The following TNR variants were observed in gnomAD, a reference collection of about 807,000 sequenced individuals.
TNR encodes the protein tenascin-R.
In TNR, 45 loss-of-function variants were observed where a neutral mutation model predicts 150.4. The ratio of observed to expected loss-of-function variants is 0.30; its 90% CI spans 0.24 to 0.38. TNR has a LOEUF of 0.38. Ranked by LOEUF, TNR falls within the 10% of genes least tolerant of loss-of-function variation. The pLI is 1.00. For missense variants in TNR, 1,544 were observed against 1,759.1 expected, an observed-to-expected ratio of 0.88 and a Z score of 2.19; for synonymous variants, 687 against 678.4, an observed-to-expected ratio of 1.01 and a Z score of -0.20.
At chr1:175,645,192 C>T (rs563364920) in intron 1 of TNR, among the ~76,000 whole-genome samples, 1 of 152,224 alleles carries the variant, frequency 6.6e-6, no homozygotes, top group East Asian at 1.9e-4. Context: ...GTATAATTTA[C>T]ATACTGCTTA....
chr1:175,732,681 G>A (rs1295605544), intron 1 of TNR, among the ~76,000 whole-genome samples: 2 of 152,214 alleles, frequency 1.3e-5, no homozygotes, highest in African/African-American at 4.8e-5. Flanking sequence ...GATGCTCAGA[G>A]ACAGCATAGT....
At chr1:175,696,928 C>T (rs191240347) in intron 1 of TNR, among the ~76,000 whole-genome samples, 288 of 150,848 alleles carry the variant, frequency 1.9e-3, no homozygotes, top group Non-Finnish European at 3.2e-3. Context: ...AAAGTAAATG[C>T]TTTTATATCC....
chr1:175,418,983 A>C (rs1053102219), intron 2 of TNR, among the ~76,000 whole-genome samples: 1 of 152,216 alleles, frequency 6.6e-6, no homozygotes, highest in East Asian at 1.9e-4. Flanking sequence ...TTGGCCCCAA[A>C]GATGAATTTC....
intron 1 of TNR, among the ~76,000 whole-genome samples, chr1:175,550,765 T>C (rs1660907332): frequency 1.3e-5 from 2 of 149,518 alleles, no homozygotes; most frequent in South Asian, 4.2e-4. Flanking sequence ...AGTCAGAAAA[T>C]GCAGGGAACA....
chr1:175,743,079 C>T (rs1352016640), intron 1 of TNR, 147 bp downstream of exon 1: 2 of 152,234 alleles, frequency 1.3e-5, no homozygotes, highest in African/African-American at 2.4e-5. Context: ...CCCGACTCTA[C>T]TGGCAGCAGA....
chr1:175,643,215 C>T (rs1472381936), intron 1 of TNR, among the ~76,000 whole-genome samples: 1 of 152,188 alleles, frequency 6.6e-6, no homozygotes, highest in Non-Finnish European at 1.5e-5. Flanking sequence ...CACCCAATTC[C>T]ATAATCACTC....
At chr1:175,618,851 C>T (rs1344349026) in intron 1 of TNR, among the ~76,000 whole-genome samples, 2 of 152,188 alleles carry the variant, frequency 1.3e-5, no homozygotes, top group African/African-American at 2.4e-5. Flanking sequence ...TCAAACACTG[C>T]CCTTGCCTTC....
At chr1:175,372,783 A>G (rs1361557478) in intron 9 of TNR, among the ~76,000 whole-genome samples, 1 of 152,170 alleles carries the variant, frequency 6.6e-6, no homozygotes, top group African/African-American at 2.4e-5. Context: ...ATGAGGAAAT[A>G]TGGACCTTTC....
rs1648831226 is a variant in TNR at position 175,316,031 on chromosome 1, C to T, written c.*7326G>A. ...CTAATGCACAGGTGTCACTGCTGCCCAAGCAGCCCCCACACTGGAATGGAA... is the reference window on the plus strand; with the variant it reads ...CTAATGCACAGGTGTCACTGCTGCCTAAGCAGCCCCCACACTGGAATGGAA... On this transcript the variant is annotated 3_prime_UTR_variant, in exon 23 of 23. Coordinates refer to ENST00000367674, the MANE Select transcript of TNR (RefSeq NM_003285.3). 1 of 152,212 alleles carries T rather than the reference C, an allele frequency of 6.6e-6. No homozygotes were observed. Among genetic ancestry groups the T allele is most frequent in the South Asian group, 2.1e-4 (1 of 4,834 alleles). The allele number at this position is 152,212 out of a possible 1,614,324, so 9.4% of individuals were successfully genotyped here.
intron 2 of TNR, among the ~76,000 whole-genome samples, chr1:175,480,030 A>C (rs1255624841): frequency 6.6e-6 from 1 of 152,068 alleles, no homozygotes; most frequent in African/African-American, 2.4e-5. Flanking sequence ...GAGCAGAGGG[A>C]GGAGAGGCAG....
At chr1:175,669,822 T>C (rs534617425) in intron 1 of TNR, among the ~76,000 whole-genome samples, 3 of 152,290 alleles carry the variant, frequency 2.0e-5, no homozygotes, top group East Asian at 3.9e-4. Context: ...GGTTTAATGA[T>C]GTCAGGAAAA....
chr1:175,713,789 C>T (rs893878708), intron 1 of TNR, among the ~76,000 whole-genome samples: 1 of 152,298 alleles, frequency 6.6e-6, no homozygotes, highest in African/African-American at 2.4e-5. Flanking sequence ...GGAGAGAGCT[C>T]CCAGCGCTGA....
At position 175,547,621 on chromosome 1, in the gene TNR, C is replaced by G. The variant is rs3980108; in HGVS notation, c.-164-19252G>C. Reference sequence around the variant, plus strand: ...AGAAAGAAAGAAAGAAACAAAGAAACAAAGAAAGAAAGAAAGAGAAAGAAA... The same window carrying G: ...AGAAAGAAAGAAAGAAACAAAGAAAGAAAGAAAGAAAGAAAGAGAAAGAAA... On this transcript the variant is annotated intron_variant, in intron 1 of 22. Coordinates refer to ENST00000367674, the MANE Select transcript of TNR (RefSeq NM_003285.3). 8.2e-3 allele frequency among the ~76,000 whole-genome samples: 86 copies of G among 10,542 alleles called. 2 individuals are homozygous for G. Among genetic ancestry groups the G allele is most frequent in the South Asian group, 0.015 (5 of 334 alleles). The allele number at this position is 10,542 out of a possible 152,430, so 6.9% of individuals were successfully genotyped here.
chr1:175,413,119 AG>A (rs1654287294), intron 2 of TNR, among the ~76,000 whole-genome samples: 1 of 152,090 alleles, frequency 6.6e-6, no homozygotes, highest in Non-Finnish European at 1.5e-5. Context: ...TCCATCTCCC[AG>A]GCTCAAGCAA....
At chr1:175,526,528 C>T (rs859364) in intron 2 of TNR, among the ~76,000 whole-genome samples, 6,630 of 152,218 alleles carry the variant, frequency 0.044, 494 homozygotes, top group African/African-American at 0.15. Flanking sequence ...GAAAGTAGTA[C>T]GGTACTTCAA....
intron 1 of TNR, among the ~76,000 whole-genome samples, chr1:175,711,202 G>A (rs1667004021): frequency 6.6e-6 from 1 of 152,172 alleles, no homozygotes. Flanking sequence ...GAGCCAAGTA[G>A]GAGACTGGGA....
At chr1:175,506,996 G>A (rs1385389168) in intron 2 of TNR, among the ~76,000 whole-genome samples, 1 of 152,202 alleles carries the variant, frequency 6.6e-6, no homozygotes, top group Admixed American at 6.5e-5. Flanking sequence ...TCACAACAGG[G>A]AGTGTGCGGG....
rs974899280 is a variant in TNR, at chr1:175,320,312, A to C, written c.*3045T>G. Reference sequence around the variant, plus strand: ...CAAGTTGACCATAGACCTTGGGATGAGAGTGGGGCACAGTGTCTTTTAAAC... The same window carrying C: ...CAAGTTGACCATAGACCTTGGGATGCGAGTGGGGCACAGTGTCTTTTAAAC... On this transcript the variant is annotated 3_prime_UTR_variant, in exon 23 of 23. Coordinates refer to ENST00000367674, the MANE Select transcript of TNR (RefSeq NM_003285.3). The C allele has an allele frequency of 1.3e-5, 2 of 152,314 alleles. No individual in the cohort carries two copies. Among genetic ancestry groups the C allele is most frequent in the African/African-American group, 4.8e-5 (2 of 41,446 alleles). The allele number at this position is 152,314 out of a possible 1,614,324, so 9.4% of individuals were successfully genotyped here.
chr1:175,578,227 G>A (rs1006073612), intron 1 of TNR, among the ~76,000 whole-genome samples: 1 of 152,024 alleles, frequency 6.6e-6, no homozygotes, highest in Non-Finnish European at 1.5e-5. Flanking sequence ...CAGGCCTGCC[G>A]GGGGAAACTG....
Sources: allele counts gnomAD v4.1 joint callset (sites outside exome capture counted in the v4.1 genomes callset), GRCh38; gene constraint gnomAD v4.1.1; transcripts MANE v1.5; gene names NCBI Gene and HGNC (gene_info 2026-07-23, HGNC 2026-07-21).